The following FAM107B variants were observed in gnomAD, a reference collection of about 807,000 sequenced individuals.
The protein encoded by FAM107B is protein FAM107B.
FAM107B carries 21 observed loss-of-function variants against 31.5 expected under a neutral mutation model. That is an observed-to-expected ratio of 0.67 (90% CI 0.47 to 0.96). The LOEUF is 0.96. Ranked by LOEUF, FAM107B falls within the 40% of genes least tolerant of loss-of-function variation. The pLI, the probability that FAM107B is intolerant of heterozygous loss-of-function variation, is 0.00. For missense variants in FAM107B, 452 were observed against 377.1 expected (o/e 1.20, Z -1.64); for synonymous variants, 157 against 141.5 (o/e 1.11, Z -0.78).
At chr10:14,546,397 C>T (rs1286714426) in intron 2 of FAM107B, among the ~76,000 whole-genome samples, 1 of 152,148 alleles carries the variant, frequency 6.6e-6, no homozygotes, top group Non-Finnish European at 1.5e-5. Flanking sequence ...AGTAACACCA[C>T]CATTAACATT....
intron 1 of FAM107B, among the ~76,000 whole-genome samples, chr10:14,720,509 C>T (rs1482690341): frequency 1.3e-5 from 2 of 152,236 alleles, no homozygotes; most frequent in Non-Finnish European, 2.9e-5. Context: ...CTGCCTCAGC[C>T]TTCCAATGTG....
intron 3 of FAM107B, among the ~76,000 whole-genome samples, chr10:14,524,307 T>A (rs1845996171): frequency 6.6e-6 from 1 of 152,146 alleles, no homozygotes; most frequent in Non-Finnish European, 1.5e-5. Context: ...CCTCCCAAAG[T>A]GGTGGGATTA....
intron 1 of FAM107B, among the ~76,000 whole-genome samples, chr10:14,719,432 G>C (rs573016695): frequency 6.6e-6 from 1 of 152,060 alleles, no homozygotes; most frequent in East Asian, 1.9e-4. Flanking sequence ...CTTGAGAATC[G>C]AAATGAAATC....
At chr10:14,552,904 C>G (rs1474080852) in intron 2 of FAM107B, among the ~76,000 whole-genome samples, 1 of 152,170 alleles carries the variant, frequency 6.6e-6, no homozygotes, top group Non-Finnish European at 1.5e-5. Flanking sequence ...AACAGACTGC[C>G]TAGCAGCTTG....
chr10:14,600,919 G>A (rs544592935), intron 2 of FAM107B, among the ~76,000 whole-genome samples: 1 of 152,160 alleles, frequency 6.6e-6, no homozygotes, highest in South Asian at 2.1e-4. Context: ...TCAACCACAG[G>A]AGCGCGCTGC....
chr10:14,650,999 A>G (rs1182299123), intron 2 of FAM107B, among the ~76,000 whole-genome samples: 2 of 152,168 alleles, frequency 1.3e-5, no homozygotes, highest in Admixed American at 6.5e-5. Context: ...CCAGTCACCA[A>G]AAATGATACT....
intron 2 of FAM107B, among the ~76,000 whole-genome samples, chr10:14,649,285 A>G (rs1045652049): frequency 6.6e-6 from 1 of 152,226 alleles, no homozygotes; most frequent in African/African-American, 2.4e-5. Flanking sequence ...TTTATCCCAA[A>G]ATACATTTCT....
intron 2 of FAM107B, among the ~76,000 whole-genome samples, chr10:14,572,739 T>TTTATATATATATA (rs1325278545): frequency 1.1e-5 from 1 of 91,992 alleles, no homozygotes; most frequent in Non-Finnish European, 2.2e-5. Flanking sequence ...AAAAAAAAAT[T>TTTATATATATATA]TATATATATA....
chr10:14,710,074 A>G (rs1855606972), intron 1 of FAM107B, among the ~76,000 whole-genome samples: 1 of 152,080 alleles, frequency 6.6e-6, no homozygotes, highest in South Asian at 2.1e-4. Context: ...TAAACAATAA[A>G]CCTTAGTTTC....
chr10:14,705,042 A>AAC (rs1855488561), intron 1 of FAM107B, among the ~76,000 whole-genome samples: 1 of 151,522 alleles, frequency 6.6e-6, no homozygotes, highest in South Asian at 2.1e-4. Flanking sequence ...AAAAAAAAAA[A>AAC]ATAGACAAAG....
intron 1 of FAM107B, among the ~76,000 whole-genome samples, chr10:14,715,294 A>C (rs1564268466): frequency 2.0e-5 from 3 of 152,246 alleles, no homozygotes; most frequent in Non-Finnish European, 4.4e-5. Flanking sequence ...CTTTCTTTGG[A>C]AATTAAAAAT....
intron 2 of FAM107B, among the ~76,000 whole-genome samples, chr10:14,631,552 T>C (rs1290487621): frequency 1.3e-5 from 2 of 152,198 alleles, no homozygotes; most frequent in Non-Finnish European, 2.9e-5. Flanking sequence ...ACCATTTTCC[T>C]GCCTGATTGA....
chr10:14,575,210 T>TG (rs892288400), intron 2 of FAM107B, among the ~76,000 whole-genome samples: 5 of 127,484 alleles, frequency 3.9e-5, no homozygotes, highest in Non-Finnish European at 3.4e-5. Flanking sequence ...TTTGTTTTTT[T>TG]GTTTTTTTTT....
chr10:14,667,687 T>G lies in FAM107B; in HGVS notation c.416A>C (p.Glu139Ala). The part of the protein sequence containing the change: ...RPSIIDTPKE[E>A]EFREEPKCLE... ...GCATTTAGGTTCTTCTCGAAATTCT[T>G]CTTCCTAAGCGCCAGCCCCATAAAC... The change falls in exon 2 of 5, where the codon GAA (glutamate) becomes GCA (alanine). Residue 139 changes from glutamate to alanine, a missense_variant. By Grantham distance (107) the Glu-to-Ala change is moderately radical. Coordinates refer to ENST00000181796, the MANE Select transcript of FAM107B (RefSeq NM_031453.4). 1 of 1,614,136 alleles carries G rather than the reference T, an allele frequency of 6.2e-7. No homozygotes were observed. Among genetic ancestry groups the G allele is most frequent in the Non-Finnish European group, 8.5e-7 (1 of 1,179,988 alleles).
chr10:14,728,057 T>C (rs1025032403), intron 1 of FAM107B, among the ~76,000 whole-genome samples: 1 of 152,122 alleles, frequency 6.6e-6, no homozygotes, highest in Non-Finnish European at 1.5e-5. Flanking sequence ...CCCCCATACA[T>C]TTATGGAGTA....
rs145776379 is a variant in FAM107B at position 14,592,295 on chromosome 10, G to A, written c.470-61780C>T. On this transcript the variant is annotated intron_variant, in intron 2 of 4. Transcript: ENST00000181796. ...TGGCAAAGGAAGAGGCAGTTCCTGGGGCTACTAGTGCGGAAATGTACAGGT... is the reference window on the plus strand; with the variant it reads ...TGGCAAAGGAAGAGGCAGTTCCTGGAGCTACTAGTGCGGAAATGTACAGGT... Among the ~76,000 whole-genome samples the A allele has an allele frequency of 4.3e-3, 660 of 152,224 alleles. 3 individuals are homozygous for A. The highest frequency in any genetic ancestry group is 5.8e-3 in the Non-Finnish European group (394 of 68,010).
At chr10:14,653,041 G>C (rs532259754) in intron 2 of FAM107B, among the ~76,000 whole-genome samples, 2 of 152,262 alleles carry the variant, frequency 1.3e-5, no homozygotes, top group African/African-American at 4.8e-5. Flanking sequence ...AACTGGCCTT[G>C]GCTGAACACA....
At chr10:14,692,671 G>A (rs760061173) in intron 1 of FAM107B, among the ~76,000 whole-genome samples, 2 of 152,086 alleles carry the variant, frequency 1.3e-5, no homozygotes, top group Non-Finnish European at 2.9e-5. Flanking sequence ...CAAGAGTGTC[G>A]ATTTGGATGA....
At chr10:14,733,257 C>A (rs1856215979) in intron 1 of FAM107B, among the ~76,000 whole-genome samples, 1 of 152,014 alleles carries the variant, frequency 6.6e-6, no homozygotes, top group African/African-American at 2.4e-5. Context: ...ATCAACCTCA[C>A]CTGCGTTTTC....
Sources: allele counts gnomAD v4.1 joint callset (sites outside exome capture counted in the v4.1 genomes callset), GRCh38; gene constraint gnomAD v4.1.1; transcripts MANE v1.5; gene names NCBI Gene and HGNC (gene_info 2026-07-23, HGNC 2026-07-21).